Variants in STXBP4 observed in about 807,000 individuals in gnomAD.
STXBP4 encodes syntaxin binding protein 4.
In STXBP4, 55 loss-of-function variants were observed where a neutral mutation model predicts 76.1. That is an observed-to-expected ratio of 0.72 (90% CI 0.58 to 0.91). STXBP4 has a LOEUF of 0.91. STXBP4 is among the 40% of genes least tolerant of loss of function. STXBP4 has a pLI of 0.00. For missense variants in STXBP4, 618 were observed against 636.9 expected (o/e 0.97, Z 0.32); for synonymous variants, 201 against 220.2 (o/e 0.91, Z 0.77).
At chr17:55,122,148 T>C (rs1034452516) in intron 16 of STXBP4, among the ~76,000 whole-genome samples, 3 of 152,260 alleles carry the variant, frequency 2.0e-5, no homozygotes, top group Non-Finnish European at 2.9e-5. Flanking sequence ...GAAGATGTCT[T>C]ACTTCTTGGG....
intron 17 of STXBP4, among the ~76,000 whole-genome samples, chr17:55,148,794 A>G (rs533578264): frequency 2.0e-5 from 3 of 152,272 alleles, no homozygotes; most frequent in Admixed American, 2.0e-4. Flanking sequence ...TCAGCCTCCC[A>G]AAGTGCTGGG....
rs978550064 is a variant in STXBP4, at chr17:55,034,248, T to C, written c.844T>C (p.Leu282=). The C allele has an allele frequency of 1.9e-6, 3 of 1,610,996 alleles. No individual in the cohort carries two copies. In the African/African-American group the frequency reaches 4.0e-5, roughly 22 times the overall value. Residue 282 remains leucine, a synonymous_variant, in exon 10 of 18, where the codon TTA becomes CTA. Transcript: ENST00000376352. ...TGGTGCACATGAAATTTCCAATATA[T>C]TAGATTCACAGGTAGAGTATGCCCT... ...NVGAHEISNI[L]DSQLLPCDSS...
rs759459768 is a variant in STXBP4, at chr17:54,999,674, C to A, written c.330C>A (p.Ser110=). 1 of 1,613,612 alleles carries A rather than the reference C, an allele frequency of 6.2e-7. No homozygotes were observed. The highest frequency in any genetic ancestry group is 1.3e-5 in the African/African-American group (1 of 74,948). The change falls in exon 6 of 18, where the codon TCC becomes TCA. Residue 110 remains serine, a synonymous_variant. Coordinates refer to ENST00000376352, the MANE Select transcript of STXBP4 (RefSeq NM_178509.6). The stretch of plus-strand genomic sequence containing the variant: ...AGATAGCATTCATAAGACAAAAATC[C>A]GACAACATTCAGCCAGAAAATCTGT... The part of the protein sequence containing the change: ...AWEIAFIRQK[S]DNIQPENLSC...
chr17:55,047,210 G>A, intron 12 of STXBP4, 56 bp downstream of exon 12: 1 of 1,058,608 alleles, frequency 9.4e-7, no homozygotes, highest in Non-Finnish European at 1.4e-6. Flanking sequence ...GTGTGTGTGT[G>A]TGTGTGTGAA....
intron 17 of STXBP4, among the ~76,000 whole-genome samples, chr17:55,153,121 G>T (rs2080234550): frequency 6.6e-6 from 1 of 152,120 alleles, no homozygotes; most frequent in Non-Finnish European, 1.5e-5. Context: ...TTAGTATCAG[G>T]TTCCTCATAC....
intron 16 of STXBP4, among the ~76,000 whole-genome samples, chr17:55,131,176 G>T (rs908350636): frequency 1.3e-4 from 20 of 152,258 alleles, no homozygotes; most frequent in African/African-American, 4.6e-4. Context: ...TCTCACCAAT[G>T]CTTATCTTTC....
At chr17:55,151,116 A>G (rs921812744) in intron 17 of STXBP4, among the ~76,000 whole-genome samples, 10 of 152,222 alleles carry the variant, frequency 6.6e-5, no homozygotes, top group South Asian at 2.1e-4. Flanking sequence ...CTCCAGAACA[A>G]TAAGACCTGT....
intron 12 of STXBP4, among the ~76,000 whole-genome samples, chr17:55,066,397 T>C (rs907014733): frequency 6.6e-6 from 1 of 152,116 alleles, no homozygotes; most frequent in Non-Finnish European, 1.5e-5. Context: ...CTGATTTTTG[T>C]ATTTTTAGTA....
intron 1 of STXBP4, among the ~76,000 whole-genome samples, chr17:54,978,802 T>C (rs1425655170): frequency 6.6e-6 from 1 of 152,168 alleles, no homozygotes; most frequent in Non-Finnish European, 1.5e-5. Flanking sequence ...AAATAGTAGT[T>C]CCAAGTGTCA....
chr17:55,096,580 T>C (rs915001697), intron 16 of STXBP4, among the ~76,000 whole-genome samples: 5 of 151,980 alleles, frequency 3.3e-5, no homozygotes, highest in African/African-American at 1.2e-4. Context: ...ATTGGGAGAT[T>C]ATCTGTTTTT....
chr17:54,989,354 C>T (rs1325377807), intron 3 of STXBP4, among the ~76,000 whole-genome samples: 2 of 152,326 alleles, frequency 1.3e-5, no homozygotes, highest in African/African-American at 4.8e-5. Flanking sequence ...CTCGGCCTCC[C>T]AAAGTGCTGG....
intron 16 of STXBP4, among the ~76,000 whole-genome samples, chr17:55,132,604 A>T (rs1475516029): frequency 6.6e-6 from 1 of 152,212 alleles, no homozygotes; most frequent in Non-Finnish European, 1.5e-5. Context: ...GTAAACATTG[A>T]TTCCTTAATT....
At chr17:55,152,309 A>G (rs530103808) in intron 17 of STXBP4, among the ~76,000 whole-genome samples, 11 of 152,332 alleles carry the variant, frequency 7.2e-5, no homozygotes, top group African/African-American at 2.2e-4. Context: ...AAAAATAGAT[A>G]TATGAAGAAT....
At chr17:55,191,258 G>C in the STXBP4 span, among the ~76,000 whole-genome samples, 2 of 152,062 alleles carry the variant, frequency 1.3e-5, no homozygotes, top group South Asian at 4.2e-4. Context: ...AATACCCCAG[G>C]ACAGGGCTTC....
intron 16 of STXBP4, among the ~76,000 whole-genome samples, chr17:55,125,062 T>C (rs1056531606): frequency 3.9e-5 from 6 of 152,346 alleles, no homozygotes; most frequent in South Asian, 2.1e-4. Context: ...TAAGAATTTT[T>C]AGAGGACAGA....
intron 17 of STXBP4, among the ~76,000 whole-genome samples, chr17:55,145,886 C>T (rs997577264): frequency 6.6e-6 from 1 of 152,002 alleles, no homozygotes; most frequent in African/African-American, 2.4e-5. Context: ...TTATTTTCTC[C>T]TTAGAGAGAG....
At chr17:55,128,325 A>G (rs546706396) in intron 16 of STXBP4, among the ~76,000 whole-genome samples, 1 of 150,596 alleles carries the variant, frequency 6.6e-6, no homozygotes, top group South Asian at 2.1e-4. Flanking sequence ...AAGGAGGGAG[A>G]GGCACTGCTG....
Position 55,078,154 on chromosome 17 carries a change from C to T in STXBP4, c.1265C>T (p.Thr422Ile). ...QLRKSEMARK[T>I]FEASTEKLLH... ...CGAAAATCAGAAATGGCTCGAAAAACTTTTGAGGCATCCACTGAAAAGCTT... is the reference window on the plus strand; with the variant it reads ...CGAAAATCAGAAATGGCTCGAAAAATTTTTGAGGCATCCACTGAAAAGCTT... Residue 422 changes from threonine to isoleucine, a missense_variant, in exon 14 of 18, where the codon ACT becomes ATT. By Grantham distance (89) the Thr-to-Ile change is moderately conservative (BLOSUM62 -1). Coordinates refer to ENST00000376352, the MANE Select transcript of STXBP4 (RefSeq NM_178509.6). The T allele has an allele frequency of 6.2e-7, 1 of 1,611,812 alleles. No homozygotes were observed. Among genetic ancestry groups the T allele is most frequent in the South Asian group, 1.1e-5 (1 of 90,764 alleles).
Position 55,159,792 on chromosome 17 carries a change from T to C in STXBP4, c.1548-5T>C. On this transcript the variant is annotated splice_region_variant and splice_polypyrimidine_tract_variant and intron_variant, in intron 17 of 17. Coordinates refer to ENST00000376352, the MANE Select transcript of STXBP4 (RefSeq NM_178509.6). ...GATTCTAATTGCATTCTTGTTCTTC[T>C]CAAGTCATGTAACACAGACTACATC... is the stretch of plus-strand genomic sequence containing the variant. 1.3e-6 allele frequency: 2 copies of C among 1,587,270 alleles called. No homozygotes were observed. The highest frequency in any genetic ancestry group is 1.7e-6 in the Non-Finnish European group (2 of 1,156,426).
Sources: gnomAD v4.1 joint callset for allele counts (sites outside exome capture counted in the v4.1 genomes callset) on GRCh38, gnomAD v4.1.1 for gene constraint, MANE v1.5 for transcripts, NCBI Gene and HGNC (gene_info 2026-07-23, HGNC 2026-07-21) for gene names.